EYS: variants seen among roughly 807,000 people sequenced by gnomAD.
EYS encodes the protein protein eyes shut homolog.
Under a neutral mutation model 282.1 loss-of-function variants are expected in EYS, and 250 were observed. The observed-to-expected ratio is 0.89, with a 90% CI of 0.80 to 0.98. EYS has a LOEUF of 0.98. EYS is among the 50% of genes least tolerant of loss of function. The probability of loss-of-function intolerance (pLI) is 0.00; values close to 1 mark genes in which losing one functional copy is unlikely to be tolerated. For synonymous variants in EYS, 1,355 were observed against 1,282.9 expected (o/e 1.06, Z -1.20); for missense variants, 4,016 against 3,709.0 (o/e 1.08, Z -2.15).
At chr6:64,900,550 C>G (rs1034881398) in intron 18 of EYS, among the ~76,000 whole-genome samples, 3 of 152,050 alleles carry the variant, frequency 2.0e-5, no homozygotes, top group Admixed American at 1.3e-4. Flanking sequence ...AACAAACAAT[C>G]CCATCAAAAA....
intron 30 of EYS, among the ~76,000 whole-genome samples, chr6:64,262,765 T>C (rs567570277): frequency 7.2e-5 from 11 of 152,054 alleles, no homozygotes; most frequent in Non-Finnish European, 8.8e-5. Context: ...TACAGCCATC[T>C]AAAACTTATT....
intron 35 of EYS, among the ~76,000 whole-genome samples, chr6:63,894,130 GC>G (rs1318968740): frequency 6.6e-6 from 1 of 152,128 alleles, no homozygotes; most frequent in Non-Finnish European, 1.5e-5. Flanking sequence ...TTAAAAAAGA[GC>G]CCCCACTTTT....
At chr6:64,716,575 C>T (rs777627348) in intron 22 of EYS, among the ~76,000 whole-genome samples, 32 of 152,166 alleles carry the variant, frequency 2.1e-4, no homozygotes, top group Non-Finnish European at 4.1e-4. Flanking sequence ...ACGTTGCCAC[C>T]TTTTGAACTG....
At chr6:64,868,286 T>A (rs1271546350) in intron 19 of EYS, among the ~76,000 whole-genome samples, 1 of 151,520 alleles carries the variant, frequency 6.6e-6, no homozygotes, top group Non-Finnish European at 1.5e-5. Flanking sequence ...TCTGTACTCA[T>A]GTAGAATTGG....
At chr6:65,589,060 TCACAC>T (rs1765147248) in intron 2 of EYS, among the ~76,000 whole-genome samples, 1 of 152,032 alleles carries the variant, frequency 6.6e-6, no homozygotes, top group African/African-American at 2.4e-5. Context: ...TTCTCCTGTA[TCACAC>T]CACTCAAATT....
intron 26 of EYS, among the ~76,000 whole-genome samples, chr6:64,451,500 C>T (rs949563503): frequency 1.3e-5 from 2 of 152,192 alleles, no homozygotes; most frequent in African/African-American, 4.8e-5. Flanking sequence ...TCCTCCCTAA[C>T]TCATTTTATG....
chr6:64,937,175 A>G lies in EYS; in HGVS notation c.2381+8618T>C, dbSNP rs572789449. Reference sequence around the variant, plus strand: ...TCAAAATGGATTATATCTCAATATAAGAGCTAAAAATATAAAGTTTATAGA... The same window carrying G: ...TCAAAATGGATTATATCTCAATATAGGAGCTAAAAATATAAAGTTTATAGA... On this transcript the variant is annotated intron_variant, in intron 15 of 42. Coordinates refer to ENST00000503581, the MANE Select transcript of EYS (RefSeq NM_001142800.2). Among the ~76,000 whole-genome samples, 26 of 147,418 alleles carry G rather than the reference A, an allele frequency of 1.8e-4. 1 individual carries two copies. The East Asian group carries it at 4.8e-3, about 27-fold the overall frequency.
intron 16 of EYS, among the ~76,000 whole-genome samples, chr6:64,908,904 C>A (rs574867074): frequency 6.6e-6 from 1 of 152,202 alleles, no homozygotes; most frequent in East Asian, 1.9e-4. Context: ...GGAAAGCGCA[C>A]CAAACAGGAA....
intron 22 of EYS, among the ~76,000 whole-genome samples, chr6:64,742,010 T>A (rs1772390752): frequency 6.6e-6 from 1 of 152,206 alleles, no homozygotes; most frequent in Admixed American, 6.5e-5. Context: ...AAAACCTGGC[T>A]ATTTGGTGCA....
At chr6:64,551,433 G>A (rs1221450017) in intron 26 of EYS, among the ~76,000 whole-genome samples, 1 of 151,584 alleles carries the variant, frequency 6.6e-6, no homozygotes, top group East Asian at 2.0e-4. Flanking sequence ...CTACCTGGGT[G>A]TCAAATCAAT....
At chr6:65,649,616 T>A (rs1430186144) in intron 1 of EYS, among the ~76,000 whole-genome samples, 5 of 152,240 alleles carry the variant, frequency 3.3e-5, no homozygotes, top group African/African-American at 4.8e-5. Flanking sequence ...ACTCCATTTG[T>A]AATTTCTTTA....
intron 12 of EYS, among the ~76,000 whole-genome samples, chr6:65,107,984 T>A (rs1296598255): frequency 6.6e-6 from 1 of 152,112 alleles, no homozygotes; most frequent in Admixed American, 6.6e-5. Flanking sequence ...TCCTGTAAGA[T>A]GATGTTATAT....
intron 22 of EYS, among the ~76,000 whole-genome samples, chr6:64,721,972 G>C (rs1156311928): frequency 6.6e-6 from 1 of 152,124 alleles, no homozygotes; most frequent in Non-Finnish European, 1.5e-5. Context: ...ACATTACACT[G>C]TTTCCAGAGT....
At chr6:64,049,495 A>C (rs924139401) in intron 33 of EYS, among the ~76,000 whole-genome samples, 2 of 152,306 alleles carry the variant, frequency 1.3e-5, no homozygotes, top group Non-Finnish European at 2.9e-5. Context: ...CACATCATAC[A>C]TGTTCAATTC....
chr6:64,559,963 C>T (rs1296260369), intron 26 of EYS, among the ~76,000 whole-genome samples: 1 of 152,042 alleles, frequency 6.6e-6, no homozygotes, highest in African/African-American at 2.4e-5. Context: ...TCTTTGAGTC[C>T]ACGTGTTCTC....
intron 30 of EYS, among the ~76,000 whole-genome samples, chr6:64,299,100 G>T (rs1226757472): frequency 6.6e-6 from 1 of 152,142 alleles, no homozygotes; most frequent in African/African-American, 2.4e-5. Flanking sequence ...AGGGTTATGG[G>T]TGAAGGCAGC....
rs372304848 is a variant in EYS at position 64,593,221 on chromosome 6, G to A, written c.3773C>T (p.Thr1258Ile). ...PIFQRTDPIS[T>I]QTYTIPPSET... ...AGAAGGGGGAATTGTATATGTCTGT[G>A]TGGAAATGGGATCTGTTCTTTGAAA... The change falls in exon 25 of 43, where the codon ACA becomes ATA. Residue 1258 changes from threonine (T) to isoleucine (I), a missense_variant. Transcript: ENST00000503581. 15 of 1,550,494 alleles carry A rather than the reference G, an allele frequency of 9.7e-6. No individual in the cohort carries two copies. In the African/African-American group the frequency reaches 2.1e-4, roughly 21 times the overall value.
chr6:64,347,250 A>G (rs1214176574), intron 29 of EYS, among the ~76,000 whole-genome samples: 1 of 151,476 alleles, frequency 6.6e-6, no homozygotes, highest in African/African-American at 2.4e-5. Context: ...GGTTTGATTT[A>G]AACAAACTCT....
At chr6:65,186,060 T>C (rs2150236559) in intron 12 of EYS, among the ~76,000 whole-genome samples, 1 of 151,854 alleles carries the variant, frequency 6.6e-6, no homozygotes. Flanking sequence ...ACAGGTATAA[T>C]ACTAACTTGC....
Sources: gnomAD v4.1 joint callset for allele counts (sites outside exome capture counted in the v4.1 genomes callset) on GRCh38, gnomAD v4.1.1 for gene constraint, MANE v1.5 for transcripts, NCBI Gene and HGNC (gene_info 2026-07-23, HGNC 2026-07-21) for gene names.